ADAMTSL4: variants seen among roughly 807,000 people sequenced by gnomAD.
The protein encoded by ADAMTSL4 is ADAMTS-like protein 4.
Under a neutral mutation model 122.8 loss-of-function variants are expected in ADAMTSL4, and 97 were observed. The ratio of observed to expected loss-of-function variants is 0.79; its 90% CI spans 0.67 to 0.93. The LOEUF (loss-of-function observed/expected upper bound fraction) is 0.93. Among genes scored for constraint, ADAMTSL4 ranks in the 40% least tolerant of loss-of-function variants. ADAMTSL4 has a pLI of 0.00. For missense variants in ADAMTSL4, 1,408 were observed against 1,453.5 expected (o/e 0.97, Z 0.51); for synonymous variants, 592 against 568.0 (o/e 1.04, Z -0.60).
chr1:150,550,095 G>A, intron 2 of ADAMTSL4, 200 bp downstream of exon 2: 1 of 377,362 alleles, frequency 2.6e-6, no homozygotes, highest in East Asian at 7.4e-5. Context: ...TGGGGGTGAA[G>A]GGGTGAGCCC....
rs1445023140 is a variant in ADAMTSL4, at chr1:150,556,367, G to T, written c.1576+1G>T. ...CTCCGGCCTAGCTCCAACTACCTGGGTGAGCACCCAGCTGCCTCCCCTTCC... is the reference window on the plus strand; with the variant it reads ...CTCCGGCCTAGCTCCAACTACCTGGTTGAGCACCCAGCTGCCTCCCCTTCC... On this transcript the variant is annotated splice_donor_variant, in intron 9 of 18. Coordinates refer to ENST00000271643, the MANE Select transcript of ADAMTSL4 (RefSeq NM_019032.6). LOFTEE classifies it high-confidence loss of function. The surrounding 1 kb of genome is among the most constrained non-coding windows in gnomAD (Gnocchi z 4.1). 6.2e-7 allele frequency: 1 copy of T among 1,613,834 alleles called. No individual in the cohort carries two copies. Among genetic ancestry groups the T allele is most frequent in the African/African-American group, 1.3e-5 (1 of 74,920 alleles).
intron 13 of ADAMTSL4, 60 bp from the exon 14 acceptor site, chr1:150,557,885 G>A (rs887339818): frequency 1.2e-5 from 19 of 1,558,812 alleles, no homozygotes; most frequent in Admixed American, 9.2e-5. Context: ...CTGCTGCCAC[G>A]GCAGCCCCAC....
chr1:150,556,269 C>G lies in ADAMTSL4; in HGVS notation c.1479C>G (p.Asp493Glu), dbSNP rs1436301166. The part of the protein sequence containing the change: ...TCRLVSGNLT[D>E]RGGPLGYQKI... ...GCCTTGTTTCGGGGAACCTCACTGA[C>G]CGAGGGGGCCCCCTGGGCTATCAGA... The change falls in exon 9 of 19, where the codon GAC becomes GAG. Residue 493 changes from aspartate to glutamate, a missense_variant. Physicochemically the swap from Asp to Glu is conservative, Grantham distance 45. Transcript: ENST00000271643. This position sits in a 1 kb window ranked among gnomAD's most constrained non-coding sequence, Gnocchi z 4.1. The G allele has an allele frequency of 6.2e-7, 1 of 1,614,032 alleles. No individual in the cohort carries two copies. Among genetic ancestry groups the G allele is most frequent in the Non-Finnish European group, 8.5e-7 (1 of 1,180,042 alleles).
chr1:150,556,045 T>C lies in ADAMTSL4; in HGVS notation c.1372-117T>C, dbSNP rs587702827. ...GCTGGGGATGGTGGGGCTGTTTTTGTGCTCTCACTTGTGGCACAAAAAGCA... is the reference window on the plus strand; with the variant it reads ...GCTGGGGATGGTGGGGCTGTTTTTGCGCTCTCACTTGTGGCACAAAAAGCA... On this transcript the variant is annotated intron_variant, in intron 8 of 18. Transcript: ENST00000271643. The surrounding 1 kb of genome is among the most constrained non-coding windows in gnomAD (Gnocchi z 4.1). The C allele has an allele frequency of 9.2e-7, 1 of 1,091,088 alleles. No individual in the cohort carries two copies. The highest frequency in any genetic ancestry group is 1.5e-5 in the African/African-American group (1 of 64,754). The allele number at this position is 1,091,088 out of a possible 1,614,324, so 67.6% of individuals were successfully genotyped here. A position where few individuals can be genotyped will look rare whatever the true frequency, so the allele number is the denominator to read the frequency against.
Position 150,559,030 on chromosome 1 carries a change from C to T in ADAMTSL4, c.2628C>T (p.Leu876=), listed in dbSNP as rs1186908184. The T allele has an allele frequency of 2.0e-5, 33 of 1,611,950 alleles. No homozygotes were observed. The highest frequency in any genetic ancestry group is 1.8e-4 in the East Asian group (8 of 44,870). ...SVVCLGSGAA[L]GPGQGEAGAG... The stretch of plus-strand genomic sequence containing the variant: ...TCTGCCTTGGGAGTGGGGCAGCCCT[C>T]GGGCCAGGCCAGGGGGAAGCAGGAG... Residue 876 remains leucine, a synonymous_variant, in exon 16 of 19, where the codon CTC becomes CTT. Coordinates refer to ENST00000271643, the MANE Select transcript of ADAMTSL4 (RefSeq NM_019032.6). This position sits in a 1 kb window ranked among gnomAD's most constrained non-coding sequence, Gnocchi z 4.1.
Position 150,558,501 on chromosome 1 carries a change from G to A in ADAMTSL4, c.2411G>A (p.Arg804Lys). The A allele has an allele frequency of 6.2e-7, 1 of 1,613,780 alleles. No individual in the cohort carries two copies. Among genetic ancestry groups the A allele is most frequent in the Non-Finnish European group, 8.5e-7 (1 of 1,180,000 alleles). Residue 804 changes from arginine (R) to lysine (K), a missense_variant, in exon 15 of 19, where the codon AGA (arginine) becomes AAA (lysine). Arg to Lys is a conservative substitution (Grantham distance 26). Transcript: ENST00000271643. ...TCCGTGCGGTGCGGCCGGGGCCAGA[G>A]AAGCCGGCAGGTTCGCTGTGTTGGG... Reference protein sequence around the residue: ...QCSVRCGRGQRSRQVRCVGNN... With the variant: ...QCSVRCGRGQKSRQVRCVGNN...
rs773512669 is a variant in ADAMTSL4, at chr1:150,556,324, C to T, written c.1534C>T (p.Arg512Trp). The T allele has an allele frequency of 2.0e-5, 32 of 1,613,936 alleles. No individual in the cohort carries two copies. Among genetic ancestry groups the T allele is most frequent in the Middle Eastern group, 3.3e-4 (2 of 6,084 alleles). ...KILWIPAGAL[R>W]LQIAQLRPSS... ...CTTGTGGATTCCAGCGGGAGCCTTG[C>T]GGCTCCAGATTGCCCAGCTCCGGCC... Residue 512 changes from arginine to tryptophan, a missense_variant, in exon 9 of 19, where the codon CGG (arginine) becomes TGG (tryptophan). Transcript: ENST00000271643. The surrounding 1 kb of genome is among the most constrained non-coding windows in gnomAD (Gnocchi z 4.1).
chr1:150,550,460 G>A (rs587620413), intron 2 of ADAMTSL4, among the ~76,000 whole-genome samples: 3 of 152,278 alleles, frequency 2.0e-5, no homozygotes, highest in Middle Eastern at 3.4e-3. Flanking sequence ...AACCCAGCTC[G>A]GGATGGGATT....
At position 150,554,282 on chromosome 1, in the gene ADAMTSL4, C is replaced by A; in HGVS notation, c.1132-83C>A. On this transcript the variant is annotated intron_variant, in intron 6 of 18. Coordinates refer to ENST00000271643, the MANE Select transcript of ADAMTSL4 (RefSeq NM_019032.6). This position sits in a 1 kb window ranked among gnomAD's most constrained non-coding sequence, Gnocchi z 4.0. ...TTGGAGCTCTTCCGCTGACCTGAGC[C>A]TCCCACCTGCTCCCCAGGTTCAGCC... The A allele has an allele frequency of 1.4e-6, 2 of 1,481,388 alleles. No individual in the cohort carries two copies. The highest frequency in any genetic ancestry group is 1.9e-6 in the Non-Finnish European group (2 of 1,063,692). The allele number at this position is 1,481,388 out of a possible 1,614,324, so 91.8% of individuals were successfully genotyped here.
chr1:150,550,939 C>A (rs587684366), intron 2 of ADAMTSL4: 1 of 456,226 alleles, frequency 2.2e-6, no homozygotes, highest in Non-Finnish European at 4.4e-6. Context: ...CTCAGCAATG[C>A]GAGGGCTCCC....
At position 150,559,518 on chromosome 1, in the gene ADAMTSL4, A is replaced by G. The variant is rs1197431608; in HGVS notation, c.2943+52A>G. 6 of 1,608,112 alleles carry G rather than the reference A, an allele frequency of 3.7e-6. No homozygotes were observed. In the African/African-American group the frequency reaches 5.3e-5, roughly 14 times the overall value. ...CCTGCTCAGCCTGGGCCCCTAGGGG[A>G]GGGGAGCTCCTCTCGCTGTACCCCC... On this transcript the variant is annotated intron_variant, in intron 17 of 18. Coordinates refer to ENST00000271643, the MANE Select transcript of ADAMTSL4 (RefSeq NM_019032.6). This position sits in a 1 kb window ranked among gnomAD's most constrained non-coding sequence, Gnocchi z 4.1.
chr1:150,551,026 G>A, intron 2 of ADAMTSL4: 1 of 456,080 alleles, frequency 2.2e-6, no homozygotes, highest in South Asian at 1.5e-5. Context: ...ACTAAGAGTG[G>A]GATGAGGAGC....
rs200905514 is a variant in ADAMTSL4 at position 150,555,461 on chromosome 1, C to T, written c.1267C>T (p.Arg423Trp). The change falls in exon 8 of 19, where the codon CGG (arginine) becomes TGG (tryptophan). Residue 423 changes from arginine to tryptophan, a missense_variant. Arg to Trp is a moderately radical substitution (Grantham distance 101, BLOSUM62 -3). Transcript: ENST00000271643. ...QGSQRCELNC[R>W]PRGFRFYVRH... ...CTCCCAGCGCTGTGAACTGAACTGC[C>T]GGCCCCGTGGCTTCCGCTTCTATGT... is the stretch of plus-strand genomic sequence containing the variant. 17 of 1,614,150 alleles carry T rather than the reference C, an allele frequency of 1.1e-5. No homozygotes were observed. Among genetic ancestry groups the T allele is most frequent in the Non-Finnish European group, 1.4e-5 (16 of 1,180,020 alleles).
intron 14 of ADAMTSL4, 33 bp downstream of exon 14, chr1:150,558,182 G>A (rs1485376350): frequency 6.2e-7 from 1 of 1,612,692 alleles, no homozygotes; most frequent in Admixed American, 1.7e-5. Context: ...GTGCTGGGGA[G>A]GGGAATGGGC....
At position 150,557,329 on chromosome 1, in the gene ADAMTSL4, G is replaced by T; in HGVS notation, c.2041G>T (p.Gly681Trp). 1.1e-5 allele frequency: 17 copies of T among 1,610,312 alleles called. No individual in the cohort carries two copies. The highest frequency in any genetic ancestry group is 1.4e-5 in the Non-Finnish European group (17 of 1,178,722). The change falls in exon 12 of 19, where the codon GGG (glycine) becomes TGG (tryptophan). Residue 681 changes from glycine (G) to tryptophan (W), a missense_variant. Gly to Trp is a radical substitution (Grantham distance 184). Coordinates refer to ENST00000271643, the MANE Select transcript of ADAMTSL4 (RefSeq NM_019032.6). ...ACACTCTGCATGCTCAGCGTCCTGCGGGAAAGGTGAGACATCACAGTGCGT... is the reference window on the plus strand; with the variant it reads ...ACACTCTGCATGCTCAGCGTCCTGCTGGAAAGGTGAGACATCACAGTGCGT... ...VGHSACSASC[G>W]KGVWRPIFLC...
rs199960526 is a variant in ADAMTSL4 at position 150,554,359 on chromosome 1, C to A, written c.1132-6C>A. The A allele has an allele frequency of 3.1e-6, 5 of 1,612,146 alleles. No individual in the cohort carries two copies. The highest frequency in any genetic ancestry group is 4.2e-6 in the Non-Finnish European group (5 of 1,179,500). On this transcript the variant is annotated splice_polypyrimidine_tract_variant and splice_region_variant and intron_variant, in intron 6 of 18. Coordinates refer to ENST00000271643, the MANE Select transcript of ADAMTSL4 (RefSeq NM_019032.6). This position sits in a 1 kb window ranked among gnomAD's most constrained non-coding sequence, Gnocchi z 4.0. The stretch of plus-strand genomic sequence containing the variant: ...AGCTCTGACTCCTTTGTACCCCTCA[C>A]CGCAGCCCTGCCCCCCTGAGCAGCC...
chr1:150,558,719 G>T (rs934794547), intron 15 of ADAMTSL4, 70 bp downstream of exon 15: 8 of 1,611,960 alleles, frequency 5.0e-6, no homozygotes, highest in Non-Finnish European at 5.9e-6. Flanking sequence ...AGCCTTTCCA[G>T]CATAGCTCAA....
At chr1:150,551,718 G>C (rs987725438) in intron 2 of ADAMTSL4, 2 of 155,132 alleles carry the variant, frequency 1.3e-5, no homozygotes, top group African/African-American at 2.4e-5. Flanking sequence ...GTGCAATTTA[G>C]CTGGATCCCA....
intron 8 of ADAMTSL4, among the ~76,000 whole-genome samples, chr1:150,555,776 C>T (rs1560293932): frequency 6.7e-6 from 1 of 148,946 alleles, no homozygotes; most frequent in African/African-American, 2.6e-5. Context: ...CATATGCAGA[C>T]ACATGCATGC....
Sources: allele counts gnomAD v4.1 joint callset (sites outside exome capture counted in the v4.1 genomes callset), GRCh38; gene constraint gnomAD v4.1.1; non-coding constraint Gnocchi (gnomAD v3.1); transcripts MANE v1.5; gene names NCBI Gene and HGNC (gene_info 2026-07-23, HGNC 2026-07-21).